The following TRPC7 variants were observed in gnomAD, a reference collection of about 807,000 sequenced individuals.
TRPC7 encodes short transient receptor potential channel 7.
In TRPC7, 42 loss-of-function variants were observed where a neutral mutation model predicts 90.1. That is an observed-to-expected ratio of 0.47 (90% confidence interval 0.36 to 0.60). The LOEUF is 0.60. Among genes scored for constraint, TRPC7 ranks in the 20% least tolerant of loss-of-function variants. TRPC7 has a pLI of 0.00. For synonymous variants in TRPC7, 451 were observed against 436.3 expected (o/e 1.03, Z -0.42); for missense variants, 955 against 1,112.3 (o/e 0.86, Z 2.01).
At chr5:136,257,887 T>C (rs1031394500) in intron 5 of TRPC7, among the ~76,000 whole-genome samples, 2 of 152,218 alleles carry the variant, frequency 1.3e-5, no homozygotes, top group Non-Finnish European at 2.9e-5. Flanking sequence ...GCTTTTAGCA[T>C]GGCACTAGGA....
At chr5:136,340,516 T>A (rs759064725) in intron 2 of TRPC7, among the ~76,000 whole-genome samples, 2 of 152,174 alleles carry the variant, frequency 1.3e-5, no homozygotes, top group East Asian at 1.9e-4. Flanking sequence ...TTGATCATTA[T>A]ATAATGTATA....
At chr5:136,298,236 T>G (rs941400367) in intron 3 of TRPC7, among the ~76,000 whole-genome samples, 5 of 152,028 alleles carry the variant, frequency 3.3e-5, no homozygotes, top group African/African-American at 1.2e-4. Context: ...ACTCAAACAC[T>G]GAGGATCCAG....
chr5:136,272,578 T>C (rs968550094), intron 4 of TRPC7, among the ~76,000 whole-genome samples: 4 of 152,162 alleles, frequency 2.6e-5, no homozygotes, highest in African/African-American at 9.7e-5. Flanking sequence ...CGACATGCCC[T>C]CTACTGCACT....
Position 136,266,376 on chromosome 5 carries a change from T to C in TRPC7, c.1189A>G (p.Ile397Val). 2 of 1,613,868 alleles carry C rather than the reference T, an allele frequency of 1.2e-6. No individual in the cohort carries two copies. The highest frequency in any genetic ancestry group is 1.3e-5 in the African/African-American group (1 of 75,038). Residue 397 changes from isoleucine to valine, a missense_variant, in exon 5 of 12, where the codon ATC becomes GTC. By Grantham distance (29) the Ile-to-Val change is conservative. This residue lies in a region of TRPC7 where 484 missense variants were observed against 509.6 expected (regional missense o/e 0.95). Transcript: ENST00000513104. The part of the protein sequence containing the change: ...KFVAHAVSFT[I>V]FLGLLVVNAS... ...TTCACAACTAATAATCCCAAGAAGATTGTAAAAGAAACTGCATGAGCTACA... is the reference window on the plus strand; with the variant it reads ...TTCACAACTAATAATCCCAAGAAGACTGTAAAAGAAACTGCATGAGCTACA...
chr5:136,334,653 C>T (rs962135866), intron 2 of TRPC7, among the ~76,000 whole-genome samples: 2 of 152,196 alleles, frequency 1.3e-5, no homozygotes, highest in African/African-American at 4.8e-5. Flanking sequence ...GGTCCAATAG[C>T]CCTGTCAAAG....
rs1233298626 is a variant in TRPC7, at chr5:136,225,449, G to A, written c.2263-95C>T. On this transcript the variant is annotated intron_variant, in intron 9 of 11. Coordinates refer to ENST00000513104, the MANE Select transcript of TRPC7 (RefSeq NM_020389.3). ...GACTTGAACAGTATCCATATACGGGGCTGTCTCAGTGAAGCAGCTTTTGAA... is the reference window on the plus strand; with the variant it reads ...GACTTGAACAGTATCCATATACGGGACTGTCTCAGTGAAGCAGCTTTTGAA... 5.0e-6 allele frequency: 6 copies of A among 1,205,168 alleles called. No individual in the cohort carries two copies. The African/African-American group carries it at 7.7e-5, about 15-fold the overall frequency. 74.7% of individuals were successfully genotyped at this position (1,205,168 alleles called of 1,614,324 possible). A position where few individuals can be genotyped will look rare whatever the true frequency, so the allele number is the denominator to read the frequency against.
chr5:136,216,391 C>T, intron 10 of TRPC7, 116 bp from the exon 11 acceptor site: 2 of 792,672 alleles, frequency 2.5e-6, no homozygotes, highest in Non-Finnish European at 2.1e-6. Context: ...TGGCGACCCT[C>T]CCATGCCTGG....
chr5:136,231,284 C>T (rs1755804735), intron 8 of TRPC7, 70 bp downstream of exon 8: 2 of 1,320,808 alleles, frequency 1.5e-6, no homozygotes, highest in Non-Finnish European at 1.0e-6. Context: ...AACATCATTC[C>T]CCTCATTGCT....
intron 1 of TRPC7, among the ~76,000 whole-genome samples, chr5:136,362,981 G>T (rs1430511850): frequency 1.3e-5 from 2 of 152,086 alleles, no homozygotes; most frequent in African/African-American, 2.4e-5. Flanking sequence ...GGAGCTGTTG[G>T]TGTTTACCAG....
chr5:136,231,344 C>T lies in TRPC7; in HGVS notation c.2040+10G>A, dbSNP rs2149797116. ...AAGGAGAGCAAGCATTTTCAGTGAC[C>T]TGGCCTTACCTCAATTTCCTGATAG... On this transcript the variant is annotated intron_variant, in intron 8 of 11. Transcript: ENST00000513104. The T allele has an allele frequency of 6.3e-7, 1 of 1,580,682 alleles. No individual in the cohort carries two copies. Among genetic ancestry groups the T allele is most frequent in the Non-Finnish European group, 8.6e-7 (1 of 1,157,254 alleles).
intron 2 of TRPC7, among the ~76,000 whole-genome samples, chr5:136,318,378 C>T (rs868008862): frequency 2.2e-4 from 33 of 152,238 alleles, no homozygotes; most frequent in Middle Eastern, 6.8e-3. Context: ...CTTATAAAAA[C>T]GCCACAATGG....
At chr5:136,250,460 G>A (rs1756484340) in intron 6 of TRPC7, among the ~76,000 whole-genome samples, 1 of 152,152 alleles carries the variant, frequency 6.6e-6, no homozygotes, top group Non-Finnish European at 1.5e-5. Flanking sequence ...ATTAGCAATT[G>A]CCTACTAAGT....
chr5:136,244,309 ATGAG>A (rs1295932664), intron 7 of TRPC7, among the ~76,000 whole-genome samples: 1 of 152,022 alleles, frequency 6.6e-6, no homozygotes, highest in Non-Finnish European at 1.5e-5. Flanking sequence ...GATTATAGAC[ATGAG>A]CTACCAGGCC....
intron 2 of TRPC7, among the ~76,000 whole-genome samples, chr5:136,330,388 G>A (rs1431675427): frequency 6.6e-6 from 1 of 152,136 alleles, no homozygotes; most frequent in African/African-American, 2.4e-5. Context: ...TTGTCTTATG[G>A]ACAGAGGAAC....
At chr5:136,220,001 C>T (rs1201468820) in intron 10 of TRPC7, among the ~76,000 whole-genome samples, 15 of 152,340 alleles carry the variant, frequency 9.8e-5, no homozygotes, top group South Asian at 8.3e-4. Context: ...TAAATTGTGA[C>T]GATTTCATGG....
At chr5:136,353,662 G>C (rs970100891) in intron 2 of TRPC7, among the ~76,000 whole-genome samples, 3 of 152,138 alleles carry the variant, frequency 2.0e-5, no homozygotes, top group African/African-American at 7.2e-5. Context: ...AAGTTCTAAA[G>C]GAACAGTTAT....
chr5:136,336,949 C>T (rs1759685195), intron 2 of TRPC7, among the ~76,000 whole-genome samples: 1 of 152,202 alleles, frequency 6.6e-6, no homozygotes, highest in African/African-American at 2.4e-5. Context: ...GCCAAGGTCA[C>T]ACAGCAGTTC....
At chr5:136,323,747 A>C (rs996040700) in intron 2 of TRPC7, among the ~76,000 whole-genome samples, 2 of 152,136 alleles carry the variant, frequency 1.3e-5, no homozygotes, top group Non-Finnish European at 2.9e-5. Context: ...TGTTATCTTA[A>C]AACTAGGTAC....
chr5:136,280,225 C>T (rs1040261248), intron 3 of TRPC7, among the ~76,000 whole-genome samples: 1 of 152,174 alleles, frequency 6.6e-6, no homozygotes, highest in African/African-American at 2.4e-5. Flanking sequence ...CACCAAGTTC[C>T]TCAGCCCCCA....
Sources: allele counts gnomAD v4.1 joint callset (sites outside exome capture counted in the v4.1 genomes callset), GRCh38; gene constraint gnomAD v4.1.1; regional missense constraint gnomAD v4.1.1; transcripts MANE v1.5; gene names NCBI Gene and HGNC (gene_info 2026-07-23, HGNC 2026-07-21).